Variants in DCTN5 observed in about 807,000 individuals in gnomAD.
The protein encoded by DCTN5 is dynactin subunit 5.
Under a neutral mutation model 23.5 loss-of-function variants are expected in DCTN5, and 14 were observed. The observed-to-expected ratio is 0.60, with a 90% CI of 0.39 to 0.93. The LOEUF is 0.93. Among genes scored for constraint, DCTN5 ranks in the 40% least tolerant of loss-of-function variants. The pLI, the probability that DCTN5 is intolerant of heterozygous loss-of-function variation, is 0.00. For missense variants in DCTN5, 156 were observed against 225.9 expected (o/e 0.69, Z 1.98); for synonymous variants, 67 against 79.6 (o/e 0.84, Z 0.84).
At chr16:23,650,658 TTCCACTTA>T in intron 2 of DCTN5, 1 of 1,184,834 alleles carries the variant, frequency 8.4e-7, no homozygotes, top group South Asian at 1.4e-5. Flanking sequence ...CTGTGTACAA[TTCCACTTA>T]TCCACCCTCC....
At chr16:23,664,272 G>C (rs1423023324) in intron 4 of DCTN5, among the ~76,000 whole-genome samples, 1 of 152,218 alleles carries the variant, frequency 6.6e-6, no homozygotes, top group Non-Finnish European at 1.5e-5. Context: ...TATCCACCTA[G>C]CTGGAGAGAG....
intron 4 of DCTN5, 60 bp downstream of exon 4, chr16:23,661,341 ACTT>A: frequency 8.4e-7 from 1 of 1,186,502 alleles, no homozygotes; most frequent in Non-Finnish European, 1.2e-6. Context: ...CCCATCCCTC[ACTT>A]CGGTGGGACC....
intron 2 of DCTN5, among the ~76,000 whole-genome samples, chr16:23,648,620 G>T (rs1179837270): frequency 6.6e-6 from 1 of 151,914 alleles, no homozygotes; most frequent in Admixed American, 6.6e-5. Flanking sequence ...AAAGTGCTGG[G>T]ATTACAGGTG....
intron 3 of DCTN5, among the ~76,000 whole-genome samples, chr16:23,660,250 G>A (rs1220691857): frequency 6.6e-6 from 1 of 152,158 alleles, no homozygotes; most frequent in Non-Finnish European, 1.5e-5. Flanking sequence ...TATCATCTCT[G>A]AAAAAATATT....
At chr16:23,660,877 A>G (rs1967796705) in intron 3 of DCTN5, among the ~76,000 whole-genome samples, 2 of 152,240 alleles carry the variant, frequency 1.3e-5, no homozygotes, top group African/African-American at 2.4e-5. Context: ...GTGGGAATGA[A>G]CAAACGTTCA....
In DCTN5 at chr16:23,673,435, A is replaced by C. The variant is rs577039922; in HGVS notation, c.*6291A>C. On this transcript the variant is annotated 3_prime_UTR_variant, in exon 6 of 6. Transcript: ENST00000300087. ...TTTTAATAAACCTTTCTAATGGAAC[A>C]AGTAAAACACATGCAGTGGATGCTC... 1 of 152,326 alleles carries C rather than the reference A, an allele frequency of 6.6e-6. No homozygotes were observed. Among genetic ancestry groups the C allele is most frequent in the South Asian group, 2.1e-4 (1 of 4,830 alleles). The allele number at this position is 152,326 out of a possible 1,614,324, so 9.4% of individuals were successfully genotyped here.
intron 2 of DCTN5, among the ~76,000 whole-genome samples, chr16:23,648,229 C>A (rs529063003): frequency 6.6e-6 from 1 of 152,044 alleles, no homozygotes; most frequent in Non-Finnish European, 1.5e-5. Context: ...AATCATAGCT[C>A]ACTGCAGCCT....
chr16:23,667,281 T>G lies in DCTN5; in HGVS notation c.*137T>G. On this transcript the variant is annotated 3_prime_UTR_variant, in exon 6 of 6. Transcript: ENST00000300087. ...CTCCTTTTAAAAAATTTCTTTAGAA[T>G]TTCTCAATCTTCAAGGCTCTAAGTG... 1 of 1,089,776 alleles carries G rather than the reference T, an allele frequency of 9.2e-7. No individual in the cohort carries two copies. Among genetic ancestry groups the G allele is most frequent in the Non-Finnish European group, 1.3e-6 (1 of 771,516 alleles). 67.5% of individuals were successfully genotyped at this position (1,089,776 alleles called of 1,614,324 possible). A position where few individuals can be genotyped will look rare whatever the true frequency, so the allele number is the denominator to read the frequency against.
At chr16:23,651,513 G>C (rs1353918776) in intron 2 of DCTN5, among the ~76,000 whole-genome samples, 1 of 152,162 alleles carries the variant, frequency 6.6e-6, no homozygotes, top group Non-Finnish European at 1.5e-5. Flanking sequence ...GATTAAGCTT[G>C]TTGTACTTAT....
chr16:23,656,560 G>A (rs1967707564), intron 2 of DCTN5, among the ~76,000 whole-genome samples: 1 of 152,104 alleles, frequency 6.6e-6, no homozygotes, highest in African/African-American at 2.4e-5. Context: ...TGTCTATATG[G>A]AATTGCCTAA....
intron 2 of DCTN5, among the ~76,000 whole-genome samples, chr16:23,649,776 T>C (rs923891984): frequency 2.0e-5 from 3 of 149,814 alleles, no homozygotes; most frequent in African/African-American, 7.4e-5. Context: ...AGGCAGAGGT[T>C]GTAGTGAGTC....
chr16:23,645,936 T>C (rs2140972335), intron 2 of DCTN5, among the ~76,000 whole-genome samples: 1 of 152,304 alleles, frequency 6.6e-6, no homozygotes, highest in South Asian at 2.1e-4. Flanking sequence ...TGGCAATGTT[T>C]GGTATATACA....
At chr16:23,659,962 G>A (rs1418305654) in intron 3 of DCTN5, among the ~76,000 whole-genome samples, 1 of 152,210 alleles carries the variant, frequency 6.6e-6, no homozygotes, top group East Asian at 1.9e-4. Flanking sequence ...GAAGGGATGT[G>A]TAAATAGGAA....
Position 23,658,632 on chromosome 16 carries a change from A to T in DCTN5, c.236+7A>T, listed in dbSNP as rs757005721. 6.2e-7 allele frequency: 1 copy of T among 1,608,364 alleles called. No individual in the cohort carries two copies. Among genetic ancestry groups the T allele is most frequent in the African/African-American group, 1.3e-5 (1 of 74,936 alleles). On this transcript the variant is annotated splice_region_variant and intron_variant, in intron 3 of 5. Coordinates refer to ENST00000300087, the MANE Select transcript of DCTN5 (RefSeq NM_032486.4). Reference sequence around the variant, plus strand: ...TCAAGAAGTTCAGCAAAGGGTATGTAATTTAATTACTTTGTTCAAGTCTTG... The same window carrying T: ...TCAAGAAGTTCAGCAAAGGGTATGTTATTTAATTACTTTGTTCAAGTCTTG...
At chr16:23,659,492 A>C (rs1290348654) in intron 3 of DCTN5, among the ~76,000 whole-genome samples, 1 of 152,214 alleles carries the variant, frequency 6.6e-6, no homozygotes, top group East Asian at 1.9e-4. Context: ...GAATATATAA[A>C]GATAGATAAA....
At chr16:23,650,717 A>G (rs1967585522) in intron 2 of DCTN5, 11 of 1,524,512 alleles carry the variant, frequency 7.2e-6, no homozygotes, top group Non-Finnish European at 8.8e-6. Context: ...TTTTGCTGTT[A>G]TGAACAATCC....
intron 4 of DCTN5, among the ~76,000 whole-genome samples, chr16:23,662,074 T>C: frequency 6.7e-6 from 1 of 148,764 alleles, no homozygotes; most frequent in East Asian, 1.9e-4. Context: ...AACCCAAAAG[T>C]TAAGGGATTT....
At chr16:23,656,874 C>A (rs1292868948) in intron 2 of DCTN5, among the ~76,000 whole-genome samples, 1 of 151,828 alleles carries the variant, frequency 6.6e-6, no homozygotes, top group African/African-American at 2.4e-5. Flanking sequence ...GCCTGTCATC[C>A]CAGCTACTGG....
Position 23,641,644 on chromosome 16 carries a change from G to A in DCTN5, c.48+54G>A, listed in dbSNP as rs879219090. On this transcript the variant is annotated intron_variant, in intron 1 of 5. Coordinates refer to ENST00000300087, the MANE Select transcript of DCTN5 (RefSeq NM_032486.4). ...CTTTCCAACCCTGCGTCCCTTTGAGGCCTGGTCGGCGTTCCCAACCTGCCC... is the reference window on the plus strand; with the variant it reads ...CTTTCCAACCCTGCGTCCCTTTGAGACCTGGTCGGCGTTCCCAACCTGCCC... 50 of 1,602,924 alleles carry A rather than the reference G, an allele frequency of 3.1e-5. 1 individual carries two copies. The South Asian group carries it at 5.1e-4, about 16-fold the overall frequency.
Sources: gnomAD v4.1 joint callset for allele counts (sites outside exome capture counted in the v4.1 genomes callset) on GRCh38, gnomAD v4.1.1 for gene constraint, MANE v1.5 for transcripts, NCBI Gene and HGNC (gene_info 2026-07-23, HGNC 2026-07-21) for gene names.